RMDN3: variants seen among roughly 807,000 people sequenced by gnomAD.
RMDN3 encodes the protein regulator of microtubule dynamics 3.
RMDN3 carries 41 observed loss-of-function variants against 61.8 expected under a neutral mutation model. The observed-to-expected ratio is 0.66, with a 90% confidence interval of 0.52 to 0.86. The LOEUF is 0.86. Among genes scored for constraint, RMDN3 ranks in the 40% least tolerant of loss-of-function variants. The probability of loss-of-function intolerance (pLI) is 0.00; values close to 1 mark genes in which losing one functional copy is unlikely to be tolerated. For missense variants in RMDN3, 557 were observed against 585.3 expected (o/e 0.95, Z 0.50); for synonymous variants, 247 against 232.0 (o/e 1.06, Z -0.59).
At chr15:40,746,338 A>G (rs897651308) in intron 4 of RMDN3, among the ~76,000 whole-genome samples, 6 of 151,854 alleles carry the variant, frequency 4.0e-5, no homozygotes, top group African/African-American at 1.5e-4. Context: ...ACACGGTGAA[A>G]CCCTGTCTCT....
In RMDN3 at chr15:40,748,724, G is replaced by A. The variant is rs527478087; in HGVS notation, c.524+2702C>T. Reference sequence around the variant, plus strand: ...AAGTGATTCTCCTGCCTCAGCCTCCGGAATAGCTGGGATTACAGGCATGCA... The same window carrying A: ...AAGTGATTCTCCTGCCTCAGCCTCCAGAATAGCTGGGATTACAGGCATGCA... On this transcript the variant is annotated intron_variant, in intron 4 of 12. Coordinates refer to ENST00000338376, the MANE Select transcript of RMDN3 (RefSeq NM_018145.3). Among the ~76,000 whole-genome samples, 34 of 149,466 alleles carry A rather than the reference G, an allele frequency of 2.3e-4. No homozygotes were observed. The East Asian group carries it at 5.8e-3, about 25-fold the overall frequency.
intron 8 of RMDN3, 82 bp downstream of exon 8, chr15:40,738,419 A>C: frequency 7.3e-7 from 1 of 1,373,368 alleles, no homozygotes; most frequent in Non-Finnish European, 1.0e-6. Context: ...GAGGCTGTAG[A>C]AAAGTTTTTG....
chr15:40,754,889 C>A (rs1485591864), intron 1 of RMDN3, 99 bp from the exon 2 acceptor site: 2 of 1,029,318 alleles, frequency 1.9e-6, no homozygotes, highest in Non-Finnish European at 2.8e-6. Context: ...ACCCTCAAGG[C>A]TGAACCCCGG....
In RMDN3 at chr15:40,745,922, G is replaced by A. The variant is rs146898735; in HGVS notation, c.525-663C>T. ...CCAAGTCAACAACCAAACCTAAACC[G>A]CAACAGGAGTAGCCCATAGTAACCT... is the stretch of plus-strand genomic sequence containing the variant. On this transcript the variant is annotated intron_variant, in intron 4 of 12. Transcript: ENST00000338376. 1.6e-4 allele frequency among the ~76,000 whole-genome samples: 24 copies of A among 152,256 alleles called. No individual in the cohort carries two copies. The East Asian group carries it at 1.7e-3, about 11-fold the overall frequency.
intron 8 of RMDN3, 53 bp downstream of exon 8, chr15:40,738,448 G>C (rs982920545): frequency 1.3e-6 from 2 of 1,575,944 alleles, no homozygotes; most frequent in African/African-American, 1.3e-5. Context: ...CTGGAAAGGA[G>C]TGGGGAATCT....
At chr15:40,744,301 C>A (rs969860682) in intron 5 of RMDN3, 152 bp from the exon 6 acceptor site, 12 of 647,034 alleles carry the variant, frequency 1.9e-5, no homozygotes, top group Non-Finnish European at 3.3e-5. Context: ...GCCTTCCCCC[C>A]AGTCATCCCT....
chr15:40,741,419 C>G (rs151000301), intron 6 of RMDN3, among the ~76,000 whole-genome samples: 194 of 152,122 alleles, frequency 1.3e-3, no homozygotes, highest in African/African-American at 4.6e-3. Flanking sequence ...TCACAAGAGC[C>G]ACATGGACTG....
At chr15:40,738,823 T>C in intron 7 of RMDN3, 1 of 547,544 alleles carries the variant, frequency 1.8e-6, no homozygotes, top group South Asian at 2.2e-5. Flanking sequence ...AAAAGCTGGG[T>C]TCACCACAGT....
intron 7 of RMDN3, chr15:40,738,868 C>T (rs1048698438): frequency 2.4e-6 from 1 of 420,056 alleles, no homozygotes; most frequent in East Asian, 4.2e-5. Context: ...CTCCTACACT[C>T]ATAAGGAGTA....
In RMDN3 at chr15:40,751,708, G is replaced by T. The variant is rs779312763; in HGVS notation, c.381-139C>A. The T allele has an allele frequency of 2.2e-6, 3 of 1,339,736 alleles. No individual in the cohort carries two copies. In the South Asian group the frequency reaches 3.6e-5, roughly 16 times the overall value. 83.0% of individuals were successfully genotyped at this position (1,339,736 alleles called of 1,614,324 possible). ...AAAATCCTAAGTCTCTAACCCTCAG[G>T]AGGGCAAGCAGGGCAGCTTCCTGGG... On this transcript the variant is annotated intron_variant, in intron 3 of 12. Transcript: ENST00000338376.
At chr15:40,748,386 C>T (rs187131229) in intron 4 of RMDN3, among the ~76,000 whole-genome samples, 22 of 152,352 alleles carry the variant, frequency 1.4e-4, no homozygotes, top group Non-Finnish European at 2.9e-5. Flanking sequence ...AGTGTTGCAC[C>T]ACCACCTGCT....
chr15:40,754,185 C>CA (rs1815431628), intron 2 of RMDN3, among the ~76,000 whole-genome samples: 1 of 140,548 alleles, frequency 7.1e-6, no homozygotes, highest in African/African-American at 2.7e-5. Flanking sequence ...GGCTGGAGTG[C>CA]AGTGGCGCAA....
chr15:40,747,109 C>T (rs1897603384), intron 4 of RMDN3, among the ~76,000 whole-genome samples: 2 of 152,188 alleles, frequency 1.3e-5, no homozygotes, highest in African/African-American at 4.8e-5. Context: ...GGAATTGCAT[C>T]ATCTCCCTTT....
intron 5 of RMDN3, chr15:40,744,404 G>A (rs912897356): frequency 5.0e-6 from 2 of 401,246 alleles, no homozygotes. Context: ...TAGAACTGCT[G>A]GGAGGAAAGG....
intron 5 of RMDN3, 126 bp from the exon 6 acceptor site, chr15:40,744,275 C>A (rs996715550): frequency 1.4e-5 from 11 of 773,280 alleles, no homozygotes; most frequent in Admixed American, 1.3e-4. Context: ...CAATATCAGG[C>A]CAGCTCCTAC....
Position 40,736,440 on chromosome 15 carries a change from T to G in RMDN3, c.*101A>C. ...GTAGCAGTCAGACCCAGGAGACAGA[T>G]TTGTGTGGTTTCCTGATCTCAGCAA... On this transcript the variant is annotated 3_prime_UTR_variant, in exon 13 of 13. Coordinates refer to ENST00000338376, the MANE Select transcript of RMDN3 (RefSeq NM_018145.3). 9.8e-7 allele frequency: 1 copy of G among 1,018,476 alleles called. No homozygotes were observed. Among genetic ancestry groups the G allele is most frequent in the Non-Finnish European group, 1.5e-6 (1 of 653,062 alleles). 63.1% of individuals were successfully genotyped at this position (1,018,476 alleles called of 1,614,324 possible). A position where few individuals can be genotyped will look rare whatever the true frequency, so the allele number is the denominator to read the frequency against.
In RMDN3 at chr15:40,738,578, TA is replaced by T. The variant is rs1464007407; in HGVS notation, c.972-3del. On this transcript the variant is annotated splice_region_variant and splice_polypyrimidine_tract_variant and intron_variant, in intron 7 of 12. Coordinates refer to ENST00000338376, the MANE Select transcript of RMDN3 (RefSeq NM_018145.3). Reference sequence around the variant, plus strand: ...AGCTGACCACAAAGCACCGCATACCTAGGGGGGAAGCAGCAAGCTCAGGGAC... The same window carrying T: ...AGCTGACCACAAAGCACCGCATACCTGGGGGGAAGCAGCAAGCTCAGGGAC... 3 of 1,613,948 alleles carry T rather than the reference TA, an allele frequency of 1.9e-6. No homozygotes were observed. The South Asian group carries it at 3.3e-5, about 18-fold the overall frequency.
At chr15:40,754,457 C>A in intron 2 of RMDN3, 140 bp downstream of exon 2, 1 of 916,524 alleles carries the variant, frequency 1.1e-6, no homozygotes, top group East Asian at 3.1e-5. Context: ...CCGACGACTG[C>A]TTTTTCAACA....
At chr15:40,753,589 A>C (rs929934440) in intron 2 of RMDN3, among the ~76,000 whole-genome samples, 2 of 152,228 alleles carry the variant, frequency 1.3e-5, no homozygotes, top group East Asian at 3.8e-4. Flanking sequence ...TAGTAGTTTG[A>C]ACCAGCCCTA....
Sources: allele counts gnomAD v4.1 joint callset (sites outside exome capture counted in the v4.1 genomes callset), GRCh38; gene constraint gnomAD v4.1.1; transcripts MANE v1.5; gene names NCBI Gene and HGNC (gene_info 2026-07-23, HGNC 2026-07-21).